SLC35F1: variants seen among roughly 807,000 people sequenced by gnomAD.
SLC35F1 encodes solute carrier family 35 member F1.
SLC35F1 carries 14 observed loss-of-function variants against 48.7 expected under a neutral mutation model. That is an observed-to-expected ratio of 0.29 (90% CI 0.19 to 0.45). SLC35F1 has a LOEUF of 0.45. Ranked by LOEUF, SLC35F1 falls within the 20% of genes least tolerant of loss-of-function variation. SLC35F1 has a pLI of 1.00. For synonymous variants in SLC35F1, 190 were observed against 202.2 expected (o/e 0.94, Z 0.51); for missense variants, 404 against 500.0 (o/e 0.81, Z 1.83).
intron 2 of SLC35F1, among the ~76,000 whole-genome samples, chr6:118,167,631 A>G (rs542838765): frequency 6.6e-6 from 1 of 152,302 alleles, no homozygotes; most frequent in South Asian, 2.1e-4. Flanking sequence ...AGTTACTATG[A>G]ATGGTGCTTG....
intron 4 of SLC35F1, among the ~76,000 whole-genome samples, chr6:118,272,750 C>CATATATGTATAT (rs2114627592): frequency 8.2e-6 from 1 of 122,590 alleles, no homozygotes; most frequent in East Asian, 2.1e-4. Context: ...TATATATATA[C>CATATATGTATAT]ATATATATAT....
intron 2 of SLC35F1, among the ~76,000 whole-genome samples, chr6:118,206,339 C>T (rs1286895579): frequency 1.3e-5 from 2 of 152,080 alleles, no homozygotes; most frequent in Non-Finnish European, 2.9e-5. Flanking sequence ...AAATTGTTCA[C>T]AGGGGGCCAA....
At chr6:118,285,750 G>T (rs1040545103) in intron 7 of SLC35F1, among the ~76,000 whole-genome samples, 1 of 152,192 alleles carries the variant, frequency 6.6e-6, no homozygotes, top group Non-Finnish European at 1.5e-5. Flanking sequence ...CACAATTCCT[G>T]CAGTTTCTGC....
At chr6:118,259,989 G>A (rs570410357) in intron 3 of SLC35F1, among the ~76,000 whole-genome samples, 1 of 152,180 alleles carries the variant, frequency 6.6e-6, no homozygotes, top group South Asian at 2.1e-4. Context: ...CATCAACTGA[G>A]CAATGTGTAA....
chr6:118,147,089 C>T (rs1017644576), intron 1 of SLC35F1, among the ~76,000 whole-genome samples: 9 of 152,118 alleles, frequency 5.9e-5, no homozygotes, highest in African/African-American at 1.9e-4. Context: ...GGAGACACAG[C>T]ACAGGGGTGC....
intron 2 of SLC35F1, among the ~76,000 whole-genome samples, chr6:118,208,983 CAT>C (rs140643578): frequency 0.019 from 2,955 of 152,286 alleles, 92 homozygotes; most frequent in African/African-American, 0.067. Context: ...AGTCATAAAA[CAT>C]AGAAAGGTCA....
intron 3 of SLC35F1, among the ~76,000 whole-genome samples, chr6:118,240,546 A>G (rs1775425237): frequency 6.6e-6 from 1 of 152,242 alleles, no homozygotes; most frequent in African/African-American, 2.4e-5. Context: ...TACTGTACAT[A>G]TTCTCACAGA....
At chr6:118,050,882 A>G (rs1772378506) in intron 1 of SLC35F1, among the ~76,000 whole-genome samples, 1 of 152,152 alleles carries the variant, frequency 6.6e-6, no homozygotes, top group Non-Finnish European at 1.5e-5. Flanking sequence ...TGGAGAGGGA[A>G]CACAAGGAGT....
intron 1 of SLC35F1, among the ~76,000 whole-genome samples, chr6:118,095,345 G>A (rs1302099876): frequency 1.3e-5 from 2 of 152,210 alleles, no homozygotes; most frequent in African/African-American, 4.8e-5. Context: ...AGGACATGGA[G>A]GAGGCGTGTA....
chr6:118,105,091 T>C (rs140605381), intron 1 of SLC35F1, among the ~76,000 whole-genome samples: 10 of 152,280 alleles, frequency 6.6e-5, no homozygotes, highest in African/African-American at 9.6e-5. Flanking sequence ...GCATCTGTGG[T>C]TCCTCAGAGT....
At chr6:118,023,040 G>A (rs1021605128) in intron 1 of SLC35F1, among the ~76,000 whole-genome samples, 2 of 152,096 alleles carry the variant, frequency 1.3e-5, no homozygotes, top group Non-Finnish European at 2.9e-5. Context: ...TTACAGGCGT[G>A]AGCCACCATG....
At chr6:118,105,799 A>G (rs568788884) in intron 1 of SLC35F1, among the ~76,000 whole-genome samples, 1 of 152,334 alleles carries the variant, frequency 6.6e-6, no homozygotes, top group East Asian at 1.9e-4. Context: ...AGTAGATAGT[A>G]TGATGACCTT....
At chr6:118,020,013 C>T (rs1777373848) in intron 1 of SLC35F1, among the ~76,000 whole-genome samples, 1 of 152,144 alleles carries the variant, frequency 6.6e-6, no homozygotes, top group Non-Finnish European at 1.5e-5. Flanking sequence ...AGTGGTGATA[C>T]TCTTCAGATA....
intron 4 of SLC35F1, among the ~76,000 whole-genome samples, chr6:118,267,517 T>C (rs1351720780): frequency 1.3e-5 from 2 of 152,174 alleles, no homozygotes; most frequent in African/African-American, 4.8e-5. Context: ...TTGGTGGTAA[T>C]GAGCTAATTC....
intron 1 of SLC35F1, among the ~76,000 whole-genome samples, chr6:118,006,195 A>G (rs1459400609): frequency 7.2e-5 from 11 of 152,272 alleles, no homozygotes; most frequent in African/African-American, 2.2e-4. Flanking sequence ...TAAAGTATCT[A>G]GTAAAATAGA....
At position 118,069,090 on chromosome 6, in the gene SLC35F1, T is replaced by C. The variant is rs561395543; in HGVS notation, c.174-85355T>C. Among the ~76,000 whole-genome samples the C allele has an allele frequency of 2.0e-5, 3 of 152,278 alleles. No individual in the cohort carries two copies. The East Asian group carries it at 5.8e-4, about 29-fold the overall frequency. ...AAGAGAATAAAAAAATGATATAAAA[T>C]GGTTTTCCTTTAACGTGGTTTTTAA... On this transcript the variant is annotated intron_variant, in intron 1 of 7. Transcript: ENST00000360388.
At chr6:118,206,714 C>G (rs1774939798) in intron 2 of SLC35F1, among the ~76,000 whole-genome samples, 2 of 152,116 alleles carry the variant, frequency 1.3e-5, no homozygotes. Context: ...TGGGACATTG[C>G]CACCTTTTGT....
chr6:118,163,858 C>T (rs929687363), intron 2 of SLC35F1, among the ~76,000 whole-genome samples: 2 of 152,224 alleles, frequency 1.3e-5, no homozygotes, highest in African/African-American at 4.8e-5. Context: ...ACAAAGCAGT[C>T]CCTGCAGTGA....
chr6:118,093,699 C>G (rs993843759), intron 1 of SLC35F1, among the ~76,000 whole-genome samples: 1 of 152,128 alleles, frequency 6.6e-6, no homozygotes, highest in African/African-American at 2.4e-5. Flanking sequence ...TCAGGTATGT[C>G]TTTATTAGCA....
Sources: gnomAD v4.1 joint callset for allele counts (sites outside exome capture counted in the v4.1 genomes callset) on GRCh38, gnomAD v4.1.1 for gene constraint, MANE v1.5 for transcripts, NCBI Gene and HGNC (gene_info 2026-07-23, HGNC 2026-07-21) for gene names.